UBL4A: variants seen among roughly 807,000 people sequenced by gnomAD.
UBL4A encodes the protein ubiquitin-like protein 4A.
In UBL4A, 4 loss-of-function variants were observed where a neutral mutation model predicts 11.4. The ratio of observed to expected loss-of-function variants is 0.35; its 90% confidence interval spans 0.17 to 0.81. UBL4A has a LOEUF of 0.81. Ranked by LOEUF, UBL4A falls within the 30% of genes least tolerant of loss-of-function variation. UBL4A has a pLI of 0.52. For missense variants in UBL4A, 112 were observed against 124.9 expected (o/e 0.90, Z 0.49); for synonymous variants, 72 against 61.2 (o/e 1.18, Z -0.83).
At position 154,485,819 on chromosome X, in the gene UBL4A, G is replaced by A. The variant is rs781938597; in HGVS notation, c.315C>T (p.Arg105=). The change falls in exon 3 of 4, where the codon CGC becomes CGT. Residue 105 remains arginine (R), a synonymous_variant. Coordinates refer to ENST00000369660, the MANE Select transcript of UBL4A (RefSeq NM_014235.5). ...TGCTGGCATCTGCCGCACTGAAGTG[G>A]CGGGCCAAGACTTTGGAGATCAGCT... is the stretch of plus-strand genomic sequence containing the variant. ...VWQLISKVLA[R]HFSAADASRV... is the part of the protein sequence containing the mutation. 1.1e-5 allele frequency: 13 copies of A among 1,188,984 alleles called. No individual in the cohort carries two copies. The highest frequency in any genetic ancestry group is 3.0e-5 in the East Asian group (1 of 33,693).
At chrX:154,485,681 C>T (rs1557212635) in intron 3 of UBL4A, 32 bp from the exon 4 acceptor site, 1 of 1,175,014 alleles carries the variant, frequency 8.5e-7, no homozygotes, top group Non-Finnish European at 1.2e-6. Flanking sequence ...GATTCAGGGG[C>T]TGCCAGTGGT....
Position 154,486,551 on chromosome X carries a change from C to A in UBL4A, c.34G>T (p.Glu12Ter), listed in dbSNP as rs1557212984. The change falls in exon 1 of 4, where the codon GAG becomes TAG. Residue 12 changes from glutamate to a stop codon, truncating the protein, a stop_gained. Transcript: ENST00000369660. LOFTEE classifies it high-confidence loss of function. ...GGGGACCCTACCTGCAGGCTGCACTCGCGGCCCTGCAGCGCCTTCACCGTC... is the reference window on the plus strand; with the variant it reads ...GGGGACCCTACCTGCAGGCTGCACTAGCGGCCCTGCAGCGCCTTCACCGTC... The part of the protein sequence containing the change: ...QLTVKALQGR[E>*]CSLQVPEDEL... 2 of 1,017,043 alleles carry A rather than the reference C, an allele frequency of 2.0e-6. No homozygotes were observed. The highest frequency in any genetic ancestry group is 2.5e-6 in the Non-Finnish European group (2 of 798,645). The allele number at this position is 1,017,043 out of a possible 1,213,427, so 83.8% of individuals were successfully genotyped here. A position where few individuals can be genotyped will look rare whatever the true frequency, so the allele number is the denominator to read the frequency against.
rs1352829557 is a variant in UBL4A, at chrX:154,484,243, T to G, written c.*1296A>C. On this transcript the variant is annotated 3_prime_UTR_variant, in exon 4 of 4. Transcript: ENST00000369660. ...CATATACATGGCTCTCCAGCTCTCG[T>G]GGGGGGCCAGGGGCTTCTGTGTGCT... 1.8e-5 allele frequency: 2 copies of G among 112,878 alleles called. No homozygotes were observed. The highest frequency in any genetic ancestry group is 6.4e-5 in the African/African-American group (2 of 31,087). 9.3% of individuals were successfully genotyped at this position (112,878 alleles called of 1,213,427 possible). A position where few individuals can be genotyped will look rare whatever the true frequency, so the allele number is the denominator to read the frequency against.
At position 154,486,328 on chromosome X, in the gene UBL4A, T is replaced by C. The variant is rs782307044; in HGVS notation, c.54A>G (p.Pro18=). The change falls in exon 2 of 4, where the codon CCA becomes CCG. Residue 18 remains proline, a synonymous_variant. Transcript: ENST00000369660. ...TCAGCGTGGACACCAGCTCGTCCTC[T>C]GGCACCTGGCCGCGCGGAGGGTGGG... ...LQGRECSLQV[P]EDELVSTLKQ... 3 of 1,140,852 alleles carry C rather than the reference T, an allele frequency of 2.6e-6. No homozygotes were observed. Among genetic ancestry groups the C allele is most frequent in the Non-Finnish European group, 3.5e-6 (3 of 860,606 alleles). The allele number at this position is 1,140,852 out of a possible 1,213,427, so 94.0% of individuals were successfully genotyped here. A position where few individuals can be genotyped will look rare whatever the true frequency, so the allele number is the denominator to read the frequency against.
At position 154,486,029 on chromosome X, in the gene UBL4A, G is replaced by A. The variant is rs1222739524; in HGVS notation, c.155-50C>T. ...CCTCCTCCTCCACCGCCGTGGGGGT[G>A]GCCCGGGGCGCGAGGCCGCCTCGGG... On this transcript the variant is annotated intron_variant, in intron 2 of 3. Transcript: ENST00000369660. 4.2e-6 allele frequency: 5 copies of A among 1,183,447 alleles called. No homozygotes were observed. In the African/African-American group the frequency reaches 5.3e-5, roughly 12 times the overall value.
chrX:154,486,040 C>A (rs1557212824), intron 2 of UBL4A, 61 bp from the exon 3 acceptor site: 3 of 1,163,791 alleles, frequency 2.6e-6, no homozygotes, highest in Admixed American at 4.4e-5. Context: ...GCCCGGGGCG[C>A]GAGGCCGCCT....
Position 154,484,021 on chromosome X carries a change from G to T in UBL4A, c.*1518C>A, listed in dbSNP as rs1457597042. The T allele has an allele frequency of 1.8e-5, 2 of 113,551 alleles. No homozygotes were observed. Among genetic ancestry groups the T allele is most frequent in the African/African-American group, 3.2e-5 (1 of 31,323 alleles). 9.4% of individuals were successfully genotyped at this position (113,551 alleles called of 1,213,427 possible). On this transcript the variant is annotated 3_prime_UTR_variant, in exon 4 of 4. Transcript: ENST00000369660. The stretch of plus-strand genomic sequence containing the variant: ...TGCCTTTATTGTTAAACCAATGATT[G>T]GATATCAGAAACAGCCTAGCTAATA...
chrX:154,485,711 C>T, intron 3 of UBL4A, 60 bp downstream of exon 3: 2 of 1,193,580 alleles, frequency 1.7e-6, no homozygotes, highest in Non-Finnish European at 2.3e-6. Context: ...TACACTGCAA[C>T]AGAGGTAGGG....
rs1557212514 is a variant in UBL4A at position 154,485,377 on chromosome X, G to A, written c.*162C>T. The A allele has an allele frequency of 1.0e-5, 6 of 584,394 alleles. No individual in the cohort carries two copies. Among genetic ancestry groups the A allele is most frequent in the Middle Eastern group, 3.1e-4 (1 of 3,266 alleles). The allele number at this position is 584,394 out of a possible 1,213,427, so 48.2% of individuals were successfully genotyped here. ...GCCGGCTCTCCTCTTCTGAGGGTGT[G>A]GAAGCAAACCCAGGTCAAGCTGTGA... On this transcript the variant is annotated 3_prime_UTR_variant, in exon 4 of 4. Transcript: ENST00000369660.
At chrX:154,486,188 T>G (rs1557212886) in intron 2 of UBL4A, 40 bp downstream of exon 2, 1 of 1,124,922 alleles carries the variant, frequency 8.9e-7, no homozygotes, top group Non-Finnish European at 1.2e-6. Context: ...CCGGTCCCGC[T>G]TCCTGCGGGG....
In UBL4A at chrX:154,484,521, G is replaced by A. The variant is rs1328867226; in HGVS notation, c.*1018C>T. The A allele has an allele frequency of 8.9e-6, 1 of 112,776 alleles. No homozygotes were observed. The highest frequency in any genetic ancestry group is 1.9e-5 in the Non-Finnish European group (1 of 53,295). The allele number at this position is 112,776 out of a possible 1,213,427, so 9.3% of individuals were successfully genotyped here. ...TCCTCTTGTGCCCACACACACGGCA[G>A]GGTGGAGGAGGATGAACCGGAACCC... On this transcript the variant is annotated 3_prime_UTR_variant, in exon 4 of 4. Transcript: ENST00000369660.
chrX:154,485,421 C>T lies in UBL4A; in HGVS notation c.*118G>A, dbSNP rs1265753376. On this transcript the variant is annotated 3_prime_UTR_variant, in exon 4 of 4. Transcript: ENST00000369660. ...GCTGTGAGGAGTGCCTAGCACCTGG[C>T]CAGAGCCAGGTACATGCCAGCTATG... 7 of 812,386 alleles carry T rather than the reference C, an allele frequency of 8.6e-6. No homozygotes were observed. Among genetic ancestry groups the T allele is most frequent in the Non-Finnish European group, 1.3e-5 (7 of 533,167 alleles). 66.9% of individuals were successfully genotyped at this position (812,386 alleles called of 1,213,427 possible).
chrX:154,486,003 T>TC (rs1557212796), intron 2 of UBL4A, 24 bp from the exon 3 acceptor site: 2 of 1,200,569 alleles, frequency 1.7e-6, no homozygotes, highest in Non-Finnish European at 1.1e-6. Flanking sequence ...ATCGATGGGT[T>TC]CCTCCTCCTC....
Position 154,483,963 on chromosome X carries a change from G to A in UBL4A, c.*1576C>T, listed in dbSNP as rs947319776. 1 of 113,166 alleles carries A rather than the reference G, an allele frequency of 8.8e-6. No homozygotes were observed. The highest frequency in any genetic ancestry group is 1.9e-5 in the Non-Finnish European group (1 of 53,393). The allele number at this position is 113,166 out of a possible 1,213,427, so 9.3% of individuals were successfully genotyped here. A position where few individuals can be genotyped will look rare whatever the true frequency, so the allele number is the denominator to read the frequency against. ...ACCACTGGACTTTTCACTTTCATAA[G>A]CCAAGAAATTTCCGTTAACTGATTA... is the stretch of plus-strand genomic sequence containing the variant. On this transcript the variant is annotated 3_prime_UTR_variant, in exon 4 of 4. Coordinates refer to ENST00000369660, the MANE Select transcript of UBL4A (RefSeq NM_014235.5).
chrX:154,485,694 G>A (rs369240555), intron 3 of UBL4A, 45 bp from the exon 4 acceptor site: 1 of 1,190,755 alleles, frequency 8.4e-7, no homozygotes, highest in East Asian at 3.0e-5. Flanking sequence ...CCAGTGGTGG[G>A]GGGGCATACA....
chrX:154,485,639 C>T lies in UBL4A; in HGVS notation c.374G>A (p.Arg125Lys), dbSNP rs2069290342. 2.5e-6 allele frequency: 3 copies of T among 1,207,183 alleles called. No individual in the cohort carries two copies. ...GTCCAGCGTCAGGCGACTCAGGGAC[C>T]TCTCGTAATCCTGGGGAGAGAAGGG... ...VLEQLQRDYE[R>K]SLSRLTLDDI... Residue 125 changes from arginine to lysine, a missense_variant, in exon 4 of 4, where the codon AGG becomes AAG. Transcript: ENST00000369660.
chrX:154,486,020 C>T, intron 2 of UBL4A, 41 bp from the exon 3 acceptor site: 1 of 1,191,520 alleles, frequency 8.4e-7, no homozygotes, highest in Non-Finnish European at 1.1e-6. Flanking sequence ...CCTCCACCGC[C>T]GTGGGGGTGG....
chrX:154,486,149 A>C, intron 2 of UBL4A, 79 bp downstream of exon 2: 3 of 1,074,922 alleles, frequency 2.8e-6, no homozygotes, highest in Non-Finnish European at 3.7e-6. Flanking sequence ...CCGACCCGAC[A>C]CACGGCTGCT....
rs781970977 is a variant in UBL4A at position 154,485,485 on chromosome X, G to C, written c.*54C>G. The C allele has an allele frequency of 7.1e-6, 8 of 1,123,935 alleles. No homozygotes were observed. Among genetic ancestry groups the C allele is most frequent in the Admixed American group, 2.2e-5 (1 of 45,945 alleles). 92.6% of individuals were successfully genotyped at this position (1,123,935 alleles called of 1,213,427 possible). A position where few individuals can be genotyped will look rare whatever the true frequency, so the allele number is the denominator to read the frequency against. On this transcript the variant is annotated 3_prime_UTR_variant, in exon 4 of 4. Transcript: ENST00000369660. Reference sequence around the variant, plus strand: ...CAACTGCAACAGGAGAACACACTTAGTGCGACATGCAGCGGTAGCCTGGCG... The same window carrying C: ...CAACTGCAACAGGAGAACACACTTACTGCGACATGCAGCGGTAGCCTGGCG...
Sources: gnomAD v4.1 joint callset for allele counts on GRCh38, gnomAD v4.1.1 for gene constraint, MANE v1.5 for transcripts, NCBI Gene and HGNC (gene_info 2026-07-23, HGNC 2026-07-21) for gene names.